SLC9A5: variants seen among roughly 807,000 people sequenced by gnomAD.
The protein encoded by SLC9A5 is sodium/hydrogen exchanger 5.
A neutral mutation model predicts 91.7 loss-of-function variants in SLC9A5; 52 were observed. That is an observed-to-expected ratio of 0.57 (90% CI 0.45 to 0.71). The LOEUF (loss-of-function observed/expected upper bound fraction) is 0.71. SLC9A5 is among the 30% of genes least tolerant of loss of function. The probability of loss-of-function intolerance (pLI) is 0.00; values close to 1 mark genes in which losing one functional copy is unlikely to be tolerated. For synonymous variants in SLC9A5, 419 were observed against 474.5 expected, an observed-to-expected ratio of 0.88 and a Z score of 1.52; for missense variants, 871 against 1,158.9, an observed-to-expected ratio of 0.75 and a Z score of 3.61.
At chr16:67,268,689 TA>T (rs2035814042) in intron 15 of SLC9A5, among the ~76,000 whole-genome samples, 9 of 79,598 alleles carry the variant, frequency 1.1e-4, no homozygotes, top group African/African-American at 5.3e-4. Flanking sequence ...TATATATATA[TA>T]TATATATATA....
rs767930519 is a variant in SLC9A5, at chr16:67,270,753, G to A, written c.2234G>A (p.Cys745Tyr). ...EGKVSGSLEV[C>Y]PSPRIIPPSP... ...CTGTCCCCAGGAAGCCTTGAGGTGT[G>A]CCCAAGCCCACGAATCATTCCCCCC... The change falls in exon 16 of 16, where the codon TGC becomes TAC. Residue 745 changes from cysteine (C) to tyrosine (Y), a missense_variant. Physicochemically the swap from Cys to Tyr is radical, Grantham distance 194. Coordinates refer to ENST00000299798, the MANE Select transcript of SLC9A5 (RefSeq NM_004594.3). The surrounding 1 kb of genome is among the most constrained non-coding windows in gnomAD (Gnocchi z 4.3). The A allele has an allele frequency of 1.9e-6, 3 of 1,608,386 alleles. No homozygotes were observed. The highest frequency in any genetic ancestry group is 2.5e-6 in the Non-Finnish European group (3 of 1,176,488).
chr16:67,267,728 T>TA (rs1276510990), intron 15 of SLC9A5, among the ~76,000 whole-genome samples: 2 of 152,236 alleles, frequency 1.3e-5, no homozygotes, highest in African/African-American at 4.8e-5. Flanking sequence ...TCTGTATGTA[T>TA]AGAGACCTAA....
chr16:67,259,974 G>T, intron 12 of SLC9A5, 28 bp downstream of exon 12: 1 of 1,609,916 alleles, frequency 6.2e-7, no homozygotes, highest in South Asian at 1.1e-5. Context: ...TCAGGATTTT[G>T]AGGGGGTGGA....
chr16:67,266,851 T>TG (rs1555500702), intron 15 of SLC9A5, among the ~76,000 whole-genome samples: 2 of 68,606 alleles, frequency 2.9e-5, no homozygotes, highest in African/African-American at 1.9e-4. Context: ...TATTCTTTTC[T>TG]TTTTTTTTTT....
intron 11 of SLC9A5, 33 bp from the exon 12 acceptor site, chr16:67,259,787 C>A (rs1422067069): frequency 9.9e-6 from 16 of 1,610,714 alleles, no homozygotes; most frequent in Non-Finnish European, 1.3e-5. Flanking sequence ...CTCCTGCCCC[C>A]TCTCCAGCAC....
intron 1 of SLC9A5, 94 bp downstream of exon 1, chr16:67,249,295 C>T: frequency 9.5e-7 from 1 of 1,052,274 alleles, no homozygotes; most frequent in East Asian, 3.2e-5. Flanking sequence ...GGGCTGGCTT[C>T]TTGCACGGTG....
In SLC9A5 at chr16:67,265,635, C is replaced by G. The variant is rs922662961; in HGVS notation, c.2081-453C>G. Among the ~76,000 whole-genome samples the G allele has an allele frequency of 3.3e-5, 5 of 152,218 alleles. No homozygotes were observed. The East Asian group carries it at 9.7e-4, about 29-fold the overall frequency. On this transcript the variant is annotated intron_variant, in intron 14 of 15. Transcript: ENST00000299798. ...ACAGGGTTTCGCATTGTTGGCCTGGCTGGTCTTGAATGCCTAACCTCAGGT... is the reference window on the plus strand; with the variant it reads ...ACAGGGTTTCGCATTGTTGGCCTGGGTGGTCTTGAATGCCTAACCTCAGGT...
rs763374146 is a variant in SLC9A5, at chr16:67,249,112, G to A, written c.98G>A (p.Gly33Asp). The A allele has an allele frequency of 6.4e-7, 1 of 1,551,936 alleles. No individual in the cohort carries two copies. The highest frequency in any genetic ancestry group is 1.2e-5 in the South Asian group (1 of 84,814). ...KPESPGEPPP[G>D]LELFRWQWHE... The stretch of plus-strand genomic sequence containing the variant: ...GAGTCCCCGGGCGAGCCTCCCCCAG[G>A]CTTAGAGCTCTTCCGCTGGCAGTGG... The change falls in exon 1 of 16, where the codon GGC becomes GAC. Residue 33 changes from glycine to aspartate, a missense_variant. By Grantham distance (94) the Gly-to-Asp change is moderately conservative. Coordinates refer to ENST00000299798, the MANE Select transcript of SLC9A5 (RefSeq NM_004594.3).
Position 67,266,122 on chromosome 16 carries a change from G to A in SLC9A5, c.2115G>A (p.Glu705=). The A allele has an allele frequency of 6.2e-7, 1 of 1,612,098 alleles. No homozygotes were observed. The highest frequency in any genetic ancestry group is 8.5e-7 in the Non-Finnish European group (1 of 1,179,114). ...TATTAACCGTGGAGTCTGAGGAGGA[G>A]GAGGAGGAGAGCGACAGTTCAGAGA... is the stretch of plus-strand genomic sequence containing the variant. The part of the protein sequence containing the change: ...AVILTVESEE[E]EEESDSSETE... The change falls in exon 15 of 16, where the codon GAG becomes GAA. Residue 705 remains glutamate (E), a synonymous_variant. Transcript: ENST00000299798.
Position 67,252,896 on chromosome 16 carries a change from C to G in SLC9A5, c.490+52C>G. ...GCCAGACCCATCACCCCTCTCCCTT[C>G]TCCTCAAGCTCTGGAGGCCCATGCT... On this transcript the variant is annotated intron_variant, in intron 2 of 15. Coordinates refer to ENST00000299798, the MANE Select transcript of SLC9A5 (RefSeq NM_004594.3). The surrounding 1 kb of genome is among the most constrained non-coding windows in gnomAD (Gnocchi z 4.0). 1 of 1,496,152 alleles carries G rather than the reference C, an allele frequency of 6.7e-7. No individual in the cohort carries two copies. Among genetic ancestry groups the G allele is most frequent in the Non-Finnish European group, 9.0e-7 (1 of 1,107,114 alleles). The allele number at this position is 1,496,152 out of a possible 1,614,324, so 92.7% of individuals were successfully genotyped here.
rs773759713 is a variant in SLC9A5 at position 67,257,563 on chromosome 16, C to T, written c.1458C>T (p.Asp486=). 14 of 1,614,086 alleles carry T rather than the reference C, an allele frequency of 8.7e-6. No homozygotes were observed. Among genetic ancestry groups the T allele is most frequent in the Non-Finnish European group, 1.1e-5 (13 of 1,180,012 alleles). ...TFDHILAAVE[D]VVGHHGYHYW... is the part of the protein sequence containing the mutation. ...ACCACATTCTGGCTGCAGTGGAGGA[C>T]GTTGTGGGGCACCATGGCTACCACT... Residue 486 remains aspartate, a synonymous_variant, in exon 9 of 16, where the codon GAC becomes GAT. Coordinates refer to ENST00000299798, the MANE Select transcript of SLC9A5 (RefSeq NM_004594.3). This position sits in a 1 kb window ranked among gnomAD's most constrained non-coding sequence, Gnocchi z 5.1.
chr16:67,270,898 G>C lies in SLC9A5; in HGVS notation c.2379G>C (p.Gln793His). The change falls in exon 16 of 16, where the codon CAG (glutamine) becomes CAC (histidine). Residue 793 changes from glutamine to histidine, a missense_variant. Gln to His is a conservative substitution (Grantham distance 24). Coordinates refer to ENST00000299798, the MANE Select transcript of SLC9A5 (RefSeq NM_004594.3). The surrounding 1 kb of genome is among the most constrained non-coding windows in gnomAD (Gnocchi z 4.3). The stretch of plus-strand genomic sequence containing the variant: ...TGGACATGCAGACGGGTTGGAACCA[G>C]AGCATCTCATCCCTGGAGAGCCTAG... Reference protein sequence around the residue: ...VPVDMQTGWNQSISSLESLAS... With the variant: ...VPVDMQTGWNHSISSLESLAS... 2 of 1,614,052 alleles carry C rather than the reference G, an allele frequency of 1.2e-6. No homozygotes were observed. The highest frequency in any genetic ancestry group is 1.7e-6 in the Non-Finnish European group (2 of 1,180,012).
At position 67,257,691 on chromosome 16, in the gene SLC9A5, A is replaced by G. The variant is rs1461430888; in HGVS notation, c.1496+90A>G. ...ATGTGCCACACTTCTGAGAAGGGAC[A>G]GAGCCAGGTTCAGGCTGGGTGACCT... On this transcript the variant is annotated intron_variant, in intron 9 of 15. Transcript: ENST00000299798. The surrounding 1 kb of genome is among the most constrained non-coding windows in gnomAD (Gnocchi z 5.1). 2.9e-6 allele frequency: 4 copies of G among 1,390,854 alleles called. No individual in the cohort carries two copies. Among genetic ancestry groups the G allele is most frequent in the African/African-American group, 2.8e-5 (2 of 70,508 alleles). The allele number at this position is 1,390,854 out of a possible 1,614,324, so 86.2% of individuals were successfully genotyped here.
chr16:67,257,365 G>T lies in SLC9A5; in HGVS notation c.1356G>T (p.Leu452=), dbSNP rs1181152748. The change falls in exon 8 of 16, where the codon CTG becomes CTT. Residue 452 remains leucine, a synonymous_variant. Coordinates refer to ENST00000299798, the MANE Select transcript of SLC9A5 (RefSeq NM_004594.3). This position sits in a 1 kb window ranked among gnomAD's most constrained non-coding sequence, Gnocchi z 5.1. ...CATAGGGCTTGACCATCAAGCCACT[G>T]GTCAAATGGCTGAAGGTGAAGAGGA... is the stretch of plus-strand genomic sequence containing the variant. The part of the protein sequence containing the change: ...VIVQGLTIKP[L]VKWLKVKRSE... The T allele has an allele frequency of 1.9e-5, 30 of 1,614,014 alleles. No homozygotes were observed. The highest frequency in any genetic ancestry group is 2.5e-5 in the Non-Finnish European group (29 of 1,179,964).
Position 67,255,752 on chromosome 16 carries a change from G to A in SLC9A5, c.734-1G>A. The A allele has an allele frequency of 6.4e-7, 1 of 1,565,134 alleles. No individual in the cohort carries two copies. ...ATGCTGACAACCCACTCCTCCCCCA[G>A]CCTCCCTGTTTGTGGTCAGTCTGGG... On this transcript the variant is annotated splice_acceptor_variant, in intron 4 of 15. Transcript: ENST00000299798. LOFTEE classifies it high-confidence loss of function. The surrounding 1 kb of genome is among the most constrained non-coding windows in gnomAD (Gnocchi z 4.9).
chr16:67,256,403 C>G lies in SLC9A5; in HGVS notation c.912-66C>G. On this transcript the variant is annotated intron_variant, in intron 5 of 15. Coordinates refer to ENST00000299798, the MANE Select transcript of SLC9A5 (RefSeq NM_004594.3). The surrounding 1 kb of genome is among the most constrained non-coding windows in gnomAD (Gnocchi z 4.1). Reference sequence around the variant, plus strand: ...GCAATGCCCCCTCCTGCAGTATGCTCAAACCCTGGAGGCTGAGCCCCCTGG... The same window carrying G: ...GCAATGCCCCCTCCTGCAGTATGCTGAAACCCTGGAGGCTGAGCCCCCTGG... The G allele has an allele frequency of 1.7e-6, 2 of 1,154,620 alleles. No individual in the cohort carries two copies. The highest frequency in any genetic ancestry group is 2.6e-6 in the Non-Finnish European group (2 of 776,696). The allele number at this position is 1,154,620 out of a possible 1,614,324, so 71.5% of individuals were successfully genotyped here. A position where few individuals can be genotyped will look rare whatever the true frequency, so the allele number is the denominator to read the frequency against.
chr16:67,252,483 C>A lies in SLC9A5; in HGVS notation c.188-59C>A. ...AAAAACAAAACTGGGAGTTCATAGG[C>A]CTGTGTGTGGGAGGATATTCCATAA... On this transcript the variant is annotated intron_variant, in intron 1 of 15. Coordinates refer to ENST00000299798, the MANE Select transcript of SLC9A5 (RefSeq NM_004594.3). This position sits in a 1 kb window ranked among gnomAD's most constrained non-coding sequence, Gnocchi z 4.0. The A allele has an allele frequency of 7.0e-7, 1 of 1,422,464 alleles. No individual in the cohort carries two copies. Among genetic ancestry groups the A allele is most frequent in the Non-Finnish European group, 9.6e-7 (1 of 1,042,362 alleles). The allele number at this position is 1,422,464 out of a possible 1,614,324, so 88.1% of individuals were successfully genotyped here. A position where few individuals can be genotyped will look rare whatever the true frequency, so the allele number is the denominator to read the frequency against.
rs2035383206 is a variant in SLC9A5, at chr16:67,258,014, T to G, written c.1497-304T>G. 6.6e-6 allele frequency among the ~76,000 whole-genome samples: 1 copy of G among 152,242 alleles called. No individual in the cohort carries two copies. Among genetic ancestry groups the G allele is most frequent in the African/African-American group, 2.4e-5 (1 of 41,456 alleles). ...CAACTCACCATAGGCTTCAATTCCT[T>G]AGGGAGGACTTCCCTGGCCTCCCTG... On this transcript the variant is annotated intron_variant, in intron 9 of 15. Coordinates refer to ENST00000299798, the MANE Select transcript of SLC9A5 (RefSeq NM_004594.3). This position sits in a 1 kb window ranked among gnomAD's most constrained non-coding sequence, Gnocchi z 4.5.
chr16:67,269,843 G>A (rs188930159), intron 15 of SLC9A5, among the ~76,000 whole-genome samples: 83 of 152,210 alleles, frequency 5.5e-4, no homozygotes, highest in Middle Eastern at 3.4e-3. Context: ...ATTCAGCCCC[G>A]CCCCTGCAGT....
Sources: allele counts gnomAD v4.1 joint callset (sites outside exome capture counted in the v4.1 genomes callset), GRCh38; gene constraint gnomAD v4.1.1; non-coding constraint Gnocchi (gnomAD v3.1); transcripts MANE v1.5; gene names NCBI Gene and HGNC (gene_info 2026-07-23, HGNC 2026-07-21).